SLC16A10: variants seen among roughly 807,000 people sequenced by gnomAD.
The protein encoded by SLC16A10 is solute carrier family 16 member 10, also known as monocarboxylate transporter 10.
In SLC16A10, 27 loss-of-function variants were observed where a neutral mutation model predicts 40.0. The observed-to-expected ratio is 0.67, with a 90% CI of 0.50 to 0.93. The LOEUF is 0.93. Ranked by LOEUF, SLC16A10 falls within the 40% of genes least tolerant of loss-of-function variation. SLC16A10 has a pLI of 0.00. For missense variants in SLC16A10, 529 were observed against 658.2 expected (o/e 0.80, Z 2.15); for synonymous variants, 213 against 249.8 (o/e 0.85, Z 1.39).
chr6:111,093,699 G>A (rs930977531), intron 1 of SLC16A10, among the ~76,000 whole-genome samples: 1 of 152,086 alleles, frequency 6.6e-6, no homozygotes, highest in African/African-American at 2.4e-5. Flanking sequence ...ACAGTCCTTT[G>A]TTGAGCTAGT....
intron 1 of SLC16A10, among the ~76,000 whole-genome samples, chr6:111,105,048 A>T (rs530334914): frequency 6.6e-6 from 1 of 151,962 alleles, no homozygotes; most frequent in Admixed American, 6.6e-5. Flanking sequence ...AGACTTAGTC[A>T]TTTTTTTCCT....
At chr6:111,111,219 G>A (rs1371848459) in intron 1 of SLC16A10, among the ~76,000 whole-genome samples, 1 of 151,792 alleles carries the variant, frequency 6.6e-6, no homozygotes, top group African/African-American at 2.4e-5. Context: ...AATATGTTTT[G>A]TAAAAAAAAT....
chr6:111,178,953 A>T (rs1457753456), intron 3 of SLC16A10, among the ~76,000 whole-genome samples: 48 of 152,222 alleles, frequency 3.2e-4, no homozygotes, highest in Non-Finnish European at 5.9e-5. Flanking sequence ...AACCTCTTTC[A>T]TAGCTTCTGT....
At chr6:111,170,966 T>C (rs1217212975) in intron 1 of SLC16A10, among the ~76,000 whole-genome samples, 1 of 151,988 alleles carries the variant, frequency 6.6e-6, no homozygotes, top group Non-Finnish European at 1.5e-5. Context: ...GGCGAAACCT[T>C]GTCTCTACAA....
rs1771012517 is a variant in SLC16A10 at position 111,227,062 on chromosome 6, T to C, written c.*4827T>C. 1 of 152,282 alleles carries C rather than the reference T, an allele frequency of 6.6e-6. No homozygotes were observed. Among genetic ancestry groups the C allele is most frequent in the Non-Finnish European group, 1.5e-5 (1 of 68,104 alleles). The allele number at this position is 152,282 out of a possible 1,614,324, so 9.4% of individuals were successfully genotyped here. On this transcript the variant is annotated 3_prime_UTR_variant, in exon 6 of 6. Transcript: ENST00000368851. ...GATTGCTTGAGCATAGCAGGTCAAG[T>C]CTGCAGTGAGCTGTGGTTGCACCAC...
At chr6:111,220,965 C>G (rs1220743579) in intron 5 of SLC16A10, among the ~76,000 whole-genome samples, 1 of 152,118 alleles carries the variant, frequency 6.6e-6, no homozygotes, top group East Asian at 1.9e-4. Flanking sequence ...TGGTCTGATT[C>G]CAAAGATAGA....
intron 1 of SLC16A10, among the ~76,000 whole-genome samples, chr6:111,111,940 A>G (rs1314287951): frequency 6.6e-6 from 1 of 152,158 alleles, no homozygotes; most frequent in Non-Finnish European, 1.5e-5. Context: ...TATAAACTCA[A>G]CAAAGTCCTT....
chr6:111,209,168 G>A (rs1773302116), intron 4 of SLC16A10, among the ~76,000 whole-genome samples: 1 of 152,178 alleles, frequency 6.6e-6, no homozygotes, highest in African/African-American at 2.4e-5. Flanking sequence ...TCATGCCACT[G>A]TACTCCAGCC....
intron 1 of SLC16A10, among the ~76,000 whole-genome samples, chr6:111,139,080 T>TC (rs1554257714): frequency 3.1e-5 from 4 of 129,038 alleles, no homozygotes; most frequent in Non-Finnish European, 6.3e-5. Flanking sequence ...GGCTTTTTTT[T>TC]TTCTTCTTCT....
intron 1 of SLC16A10, among the ~76,000 whole-genome samples, chr6:111,110,476 A>C (rs1583307732): frequency 1.3e-5 from 2 of 152,202 alleles, no homozygotes; most frequent in South Asian, 4.2e-4. Context: ...TCAGATCTTT[A>C]CAAGGAAGGT....
chr6:111,192,386 A>G (rs1024522200), intron 3 of SLC16A10, among the ~76,000 whole-genome samples: 1 of 152,030 alleles, frequency 6.6e-6, no homozygotes, highest in African/African-American at 2.4e-5. Context: ...AAGCCATTCA[A>G]CAGGTCTCTA....
intron 3 of SLC16A10, among the ~76,000 whole-genome samples, chr6:111,192,276 C>G (rs112301978): frequency 0.012 from 1,817 of 152,248 alleles, 26 homozygotes; most frequent in African/African-American, 0.042. Context: ...CCACAGATCT[C>G]TAGGGCAGGG....
chr6:111,139,539 A>G (rs1198217623), intron 1 of SLC16A10, among the ~76,000 whole-genome samples: 5 of 152,108 alleles, frequency 3.3e-5, no homozygotes, highest in Non-Finnish European at 5.9e-5. Context: ...TGACCTGGTG[A>G]TCTGCCTGCC....
chr6:111,183,060 C>T (rs895024458), intron 3 of SLC16A10, among the ~76,000 whole-genome samples: 1 of 152,194 alleles, frequency 6.6e-6, no homozygotes, highest in African/African-American at 2.4e-5. Flanking sequence ...AGTCACTCTG[C>T]TCAGAATCCT....
intron 1 of SLC16A10, among the ~76,000 whole-genome samples, chr6:111,159,895 T>A (rs929205637): frequency 6.6e-6 from 1 of 152,200 alleles, no homozygotes; most frequent in African/African-American, 2.4e-5. Flanking sequence ...CTAATGATAT[T>A]GGGTGTCATA....
intron 1 of SLC16A10, among the ~76,000 whole-genome samples, chr6:111,107,546 GAA>G (rs555803599): frequency 2.7e-4 from 41 of 152,190 alleles, no homozygotes; most frequent in Non-Finnish European, 6.0e-4. Flanking sequence ...AATTTTCAAG[GAA>G]AAAATTAATC....
chr6:111,136,581 C>T (rs911714454), intron 1 of SLC16A10, among the ~76,000 whole-genome samples: 26 of 152,166 alleles, frequency 1.7e-4, no homozygotes, highest in African/African-American at 6.0e-4. Flanking sequence ...CTTAACCCAG[C>T]GACATTTCTT....
intron 1 of SLC16A10, among the ~76,000 whole-genome samples, chr6:111,124,921 T>A (rs1314120741): frequency 6.6e-6 from 1 of 152,216 alleles, no homozygotes; most frequent in Non-Finnish European, 1.5e-5. Context: ...AATTGTACAT[T>A]TTCTGGGAGT....
chr6:111,221,941 G>T, intron 5 of SLC16A10, 62 bp from the exon 6 acceptor site: 3 of 1,493,796 alleles, frequency 2.0e-6, no homozygotes, highest in African/African-American at 1.4e-5. Flanking sequence ...TCCTGTGGCT[G>T]ATCTAGACCC....
Sources: allele counts gnomAD v4.1 joint callset (sites outside exome capture counted in the v4.1 genomes callset), GRCh38; gene constraint gnomAD v4.1.1; transcripts MANE v1.5; gene names NCBI Gene and HGNC (gene_info 2026-07-23, HGNC 2026-07-21).